CNNM1: variants seen among roughly 807,000 people sequenced by gnomAD.
CNNM1 encodes metal transporter CNNM1.
A neutral mutation model predicts 78.8 loss-of-function variants in CNNM1; 44 were observed. The ratio of observed to expected loss-of-function variants is 0.56; its 90% CI spans 0.44 to 0.72. CNNM1 has a LOEUF of 0.72. Ranked by LOEUF, CNNM1 falls within the 30% of genes least tolerant of loss-of-function variation. The pLI is 0.00. For missense variants in CNNM1, 1,101 were observed against 1,292.2 expected, an observed-to-expected ratio of 0.85 and a Z score of 2.27; for synonymous variants, 584 against 581.5, an observed-to-expected ratio of 1.00 and a Z score of -0.06.
intron 6 of CNNM1, among the ~76,000 whole-genome samples, chr10:99,368,082 A>G (rs1019009864): frequency 2.0e-5 from 3 of 152,226 alleles, no homozygotes; most frequent in African/African-American, 7.2e-5. Context: ...TCCTCTAGCA[A>G]TGCACAGTTC....
chr10:99,330,369 G>A lies in CNNM1; in HGVS notation c.982G>A (p.Ala328Thr). The change falls in exon 1 of 11, where the codon GCG becomes ACG. Residue 328 changes from alanine (A) to threonine (T), a missense_variant. By Grantham distance (58) the Ala-to-Thr change is moderately conservative (BLOSUM62 0). Transcript: ENST00000356713. ...EEGIHFPWLP[A>T]LVCTGAVFLG... The stretch of plus-strand genomic sequence containing the variant: ...GGGGATCCACTTCCCGTGGCTGCCG[G>A]CGCTCGTGTGCACCGGCGCGGTATT... 2 of 1,597,848 alleles carry A rather than the reference G, an allele frequency of 1.3e-6. No individual in the cohort carries two copies. Among genetic ancestry groups the A allele is most frequent in the South Asian group, 1.1e-5 (1 of 88,198 alleles).
chr10:99,338,643 T>C (rs1286215530), intron 1 of CNNM1, among the ~76,000 whole-genome samples: 2 of 152,114 alleles, frequency 1.3e-5, no homozygotes, highest in Non-Finnish European at 2.9e-5. Flanking sequence ...GAAAAAAATT[T>C]AAATATAGAA....
At chr10:99,351,078 T>C (rs2030928473) in intron 1 of CNNM1, among the ~76,000 whole-genome samples, 1 of 152,200 alleles carries the variant, frequency 6.6e-6, no homozygotes, top group South Asian at 2.1e-4. Flanking sequence ...GAAATCTGAC[T>C]TGTAGTTTGG....
intron 6 of CNNM1, among the ~76,000 whole-genome samples, chr10:99,374,543 A>G (rs938268245): frequency 6.6e-6 from 1 of 152,164 alleles, no homozygotes; most frequent in African/African-American, 2.4e-5. Context: ...GCTTCCCCAG[A>G]ATGACTTTAG....
intron 5 of CNNM1, 44 bp downstream of exon 5, chr10:99,364,560 G>T: frequency 6.7e-7 from 1 of 1,486,798 alleles, no homozygotes; most frequent in Non-Finnish European, 9.2e-7. Flanking sequence ...AATGGGATAT[G>T]GTAGAAAAAG....
At chr10:99,378,239 G>A (rs1201558751) in intron 7 of CNNM1, among the ~76,000 whole-genome samples, 4 of 152,280 alleles carry the variant, frequency 2.6e-5, no homozygotes, top group African/African-American at 9.6e-5. Context: ...TGGGATTACA[G>A]GCGTGAGCCA....
At position 99,391,658 on chromosome 10, in the gene CNNM1, G is replaced by C; in HGVS notation, c.*142G>C. The C allele has an allele frequency of 2.9e-6, 2 of 684,078 alleles. No individual in the cohort carries two copies. The highest frequency in any genetic ancestry group is 4.9e-6 in the Non-Finnish European group (2 of 404,496). The allele number at this position is 684,078 out of a possible 1,614,324, so 42.4% of individuals were successfully genotyped here. A position where few individuals can be genotyped will look rare whatever the true frequency, so the allele number is the denominator to read the frequency against. On this transcript the variant is annotated 3_prime_UTR_variant, in exon 11 of 11. Transcript: ENST00000356713. ...CCCTTCCATCTCTTCACCCCTAGCTGTCAGTTTGGCAGATTTTCCCTCGTT... is the reference window on the plus strand; with the variant it reads ...CCCTTCCATCTCTTCACCCCTAGCTCTCAGTTTGGCAGATTTTCCCTCGTT...
At position 99,392,565 on chromosome 10, in the gene CNNM1, T is replaced by G. The variant is rs1181085087; in HGVS notation, c.*1049T>G. On this transcript the variant is annotated 3_prime_UTR_variant, in exon 11 of 11. Transcript: ENST00000356713. ...ACTACACCCTAGCAGATCAGCTGAGTGTACTTTATTCCAAGAACTTACTGG... is the reference window on the plus strand; with the variant it reads ...ACTACACCCTAGCAGATCAGCTGAGGGTACTTTATTCCAAGAACTTACTGG... 2 of 152,476 alleles carry G rather than the reference T, an allele frequency of 1.3e-5. No individual in the cohort carries two copies. The highest frequency in any genetic ancestry group is 2.4e-5 in the African/African-American group (1 of 41,424). 9.4% of individuals were successfully genotyped at this position (152,476 alleles called of 1,614,324 possible). A position where few individuals can be genotyped will look rare whatever the true frequency, so the allele number is the denominator to read the frequency against.
At chr10:99,365,826 G>C (rs960252358) in intron 6 of CNNM1, among the ~76,000 whole-genome samples, 4 of 152,166 alleles carry the variant, frequency 2.6e-5, no homozygotes, top group Non-Finnish European at 5.9e-5. Flanking sequence ...ATATTGCCTT[G>C]TGGTGGGAAT....
chr10:99,344,910 G>C (rs545966479), intron 1 of CNNM1, among the ~76,000 whole-genome samples: 17 of 152,164 alleles, frequency 1.1e-4, no homozygotes, highest in Non-Finnish European at 1.8e-4. Flanking sequence ...GAGGTGCCGG[G>C]CATTAGCTCA....
intron 7 of CNNM1, among the ~76,000 whole-genome samples, chr10:99,379,828 C>T (rs918363653): frequency 4.0e-5 from 6 of 151,876 alleles, no homozygotes; most frequent in African/African-American, 1.5e-4. Context: ...CAGTTTTGGC[C>T]ACTGTAACAA....
chr10:99,384,826 G>A (rs1014639922), intron 7 of CNNM1, among the ~76,000 whole-genome samples: 6 of 152,170 alleles, frequency 3.9e-5, no homozygotes, highest in Non-Finnish European at 5.9e-5. Context: ...AGCACTTTGG[G>A]AGGCTGAGGA....
In CNNM1 at chr10:99,364,843, C is replaced by A. The variant is rs41535452; in HGVS notation, c.2129-112C>A. The A allele has an allele frequency of 8.2e-3, 8,226 of 1,006,316 alleles. 351 individuals are homozygous for A. Among genetic ancestry groups the A allele is most frequent in the South Asian group, 0.079 (4,764 of 59,996 alleles). 62.3% of individuals were successfully genotyped at this position (1,006,316 alleles called of 1,614,324 possible). A position where few individuals can be genotyped will look rare whatever the true frequency, so the allele number is the denominator to read the frequency against. On this transcript the variant is annotated intron_variant, in intron 5 of 10. Transcript: ENST00000356713. ...GTTCCCTACCCTTCCATTTAATTGC[C>A]TGGTTTTTACAGGGTTAATTGGTGC...
At position 99,356,553 on chromosome 10, in the gene CNNM1, A is replaced by ACAGT. The variant is rs1564947049; in HGVS notation, c.1574-956_1574-955insTCAG. On this transcript the variant is annotated intron_variant, in intron 1 of 10. Coordinates refer to ENST00000356713, the MANE Select transcript of CNNM1 (RefSeq NM_020348.3). ...GAAAGAAAGAAAGACAGACAGACAG[A>ACAGT]CAGACAGACAGAAAGAAAGAAAGAA... Among the ~76,000 whole-genome samples, 24 of 116,824 alleles carry ACAGT rather than the reference A, an allele frequency of 2.1e-4. No individual in the cohort carries two copies. In the East Asian group the frequency reaches 6.0e-3, roughly 29 times the overall value. 76.6% of individuals were successfully genotyped at this position (116,824 alleles called of 152,430 possible).
intron 1 of CNNM1, among the ~76,000 whole-genome samples, chr10:99,334,566 T>A (rs1395051911): frequency 6.6e-6 from 1 of 152,016 alleles, no homozygotes; most frequent in Non-Finnish European, 1.5e-5. Context: ...GACAGGAGAA[T>A]TGCTGAGACA....
chr10:99,358,885 G>C (rs1277388914), intron 2 of CNNM1, among the ~76,000 whole-genome samples: 1 of 151,264 alleles, frequency 6.6e-6, no homozygotes, highest in Non-Finnish European at 1.5e-5. Context: ...TGTAGTCCCA[G>C]CTACTTGAGA....
chr10:99,356,609 G>GAAAAGAA (rs547563994), intron 1 of CNNM1, among the ~76,000 whole-genome samples: 2 of 132,554 alleles, frequency 1.5e-5, no homozygotes, highest in Admixed American at 7.4e-5. Context: ...AGAAAGAAAA[G>GAAAAGAA]AAAGAAAGAA....
At chr10:99,380,040 T>G (rs991731406) in intron 7 of CNNM1, among the ~76,000 whole-genome samples, 7 of 148,972 alleles carry the variant, frequency 4.7e-5, no homozygotes, top group African/African-American at 1.5e-4. Flanking sequence ...TTTTTTTTTT[T>G]TGAGACAGGG....
chr10:99,341,697 G>A (rs1386325586), intron 1 of CNNM1, among the ~76,000 whole-genome samples: 2 of 152,296 alleles, frequency 1.3e-5, no homozygotes, highest in Admixed American at 6.5e-5. Flanking sequence ...AGAGGGAGCC[G>A]ACACTGTGTC....
Sources: gnomAD v4.1 joint callset for allele counts (sites outside exome capture counted in the v4.1 genomes callset) on GRCh38, gnomAD v4.1.1 for gene constraint, MANE v1.5 for transcripts, NCBI Gene and HGNC (gene_info 2026-07-23, HGNC 2026-07-21) for gene names.